The following FARSB variants were observed in gnomAD, a reference collection of about 807,000 sequenced individuals.
FARSB encodes the protein phenylalanyl-tRNA synthetase subunit beta, also known as phenylalanine--tRNA ligase beta subunit.
In FARSB, 40 loss-of-function variants were observed where a neutral mutation model predicts 69.6. The observed-to-expected ratio is 0.57, with a 90% CI of 0.45 to 0.75. The LOEUF is 0.75. Ranked by LOEUF, FARSB falls within the 30% of genes least tolerant of loss-of-function variation. The pLI is 0.00. For missense variants in FARSB, 632 were observed against 722.9 expected, an observed-to-expected ratio of 0.87 and a Z score of 1.44; for synonymous variants, 235 against 247.2, an observed-to-expected ratio of 0.95 and a Z score of 0.46.
rs935702778 is a variant in FARSB, at chr2:222,642,889, C to T, written c.231G>A (p.Leu77=). ...VPANRYDLLC[L]EGLVRGLQVF... The stretch of plus-strand genomic sequence containing the variant: ...CCTGAAGTCCTCGAACCAATCCTTC[C>T]AGACACAGGAGATCATATCTATTGG... Residue 77 remains leucine, a synonymous_variant, in exon 3 of 17, where the codon CTG becomes CTA. Transcript: ENST00000281828. 9 of 1,612,366 alleles carry T rather than the reference C, an allele frequency of 5.6e-6. No homozygotes were observed. The highest frequency in any genetic ancestry group is 1.3e-5 in the African/African-American group (1 of 74,994).
intron 8 of FARSB, among the ~76,000 whole-genome samples, chr2:222,630,406 C>T (rs1270747909): frequency 6.6e-6 from 1 of 152,166 alleles, no homozygotes; most frequent in African/African-American, 2.4e-5. Flanking sequence ...CAAATCGTTT[C>T]GTTCCCCAAC....
At chr2:222,651,350 A>T (rs1166090583) in intron 1 of FARSB, among the ~76,000 whole-genome samples, 2 of 152,220 alleles carry the variant, frequency 1.3e-5, no homozygotes, top group Non-Finnish European at 2.9e-5. Flanking sequence ...GCTGTTAAAC[A>T]AAAATGAGCC....
At chr2:222,625,298 C>T (rs1022165876) in intron 10 of FARSB, among the ~76,000 whole-genome samples, 3 of 152,158 alleles carry the variant, frequency 2.0e-5, no homozygotes, top group African/African-American at 7.2e-5. Flanking sequence ...ATAACTCCAC[C>T]GTATTAGTGA....
chr2:222,638,827 T>G (rs1245976119), intron 5 of FARSB, among the ~76,000 whole-genome samples: 1 of 152,218 alleles, frequency 6.6e-6, no homozygotes, highest in Non-Finnish European at 1.5e-5. Context: ...AATCATACCT[T>G]TGGATCAACA....
chr2:222,585,881 C>T (rs1489873008), intron 16 of FARSB, among the ~76,000 whole-genome samples: 4 of 152,268 alleles, frequency 2.6e-5, no homozygotes, highest in African/African-American at 7.2e-5. Flanking sequence ...ACCAAATCTA[C>T]GTTTGATTGG....
chr2:222,585,641 G>C (rs561529901), intron 16 of FARSB, among the ~76,000 whole-genome samples: 36 of 152,320 alleles, frequency 2.4e-4, no homozygotes, highest in Non-Finnish European at 4.1e-4. Context: ...GATTAGAATG[G>C]CTAAGTAGAA....
At chr2:222,602,417 TAGAG>T (rs1181394201) in intron 15 of FARSB, among the ~76,000 whole-genome samples, 1 of 151,928 alleles carries the variant, frequency 6.6e-6, no homozygotes, top group Non-Finnish European at 1.5e-5. Flanking sequence ...ACAATAGTGA[TAGAG>T]GGAGACTACT....
intron 1 of FARSB, among the ~76,000 whole-genome samples, chr2:222,649,064 T>A (rs1691952986): frequency 6.6e-6 from 1 of 150,980 alleles, no homozygotes; most frequent in Non-Finnish European, 1.5e-5. Flanking sequence ...CTGTCTCTAC[T>A]AAAAATACAA....
intron 16 of FARSB, among the ~76,000 whole-genome samples, chr2:222,595,744 T>C (rs1449334758): frequency 6.6e-6 from 1 of 152,060 alleles, no homozygotes. Context: ...CTACAAGAAA[T>C]AATTTTTGCC....
chr2:222,609,970 G>A (rs920172498), intron 15 of FARSB, among the ~76,000 whole-genome samples: 2 of 152,060 alleles, frequency 1.3e-5, no homozygotes, highest in African/African-American at 4.8e-5. Context: ...CTTAATATTA[G>A]AAAACAAGTT....
At chr2:222,590,685 T>A (rs1389289980) in intron 16 of FARSB, among the ~76,000 whole-genome samples, 2 of 152,136 alleles carry the variant, frequency 1.3e-5, no homozygotes, top group African/African-American at 4.8e-5. Flanking sequence ...GTTCCTGTAT[T>A]GTAGAGATGC....
Position 222,634,269 on chromosome 2 carries a change from T to C in FARSB, c.606+122A>G, listed in dbSNP as rs527312447. 2.9e-4 allele frequency: 171 copies of C among 595,958 alleles called. 1 individual carries two copies. Among genetic ancestry groups the C allele is most frequent in the Non-Finnish European group, 4.5e-4 (156 of 349,636 alleles). 36.9% of individuals were successfully genotyped at this position (595,958 alleles called of 1,614,324 possible). ...GATCAGATGAATCACTGTCTCTAGG[T>C]TGGAGTCCAGACACTGCTATTTTTT... On this transcript the variant is annotated intron_variant, in intron 6 of 16. Coordinates refer to ENST00000281828, the MANE Select transcript of FARSB (RefSeq NM_005687.5).
At chr2:222,624,911 G>A in intron 10 of FARSB, 136 bp from the exon 11 acceptor site, 2 of 574,418 alleles carry the variant, frequency 3.5e-6, no homozygotes, top group South Asian at 5.1e-5. Flanking sequence ...GAATAAACTT[G>A]ATGTTTCAAA....
Position 222,628,720 on chromosome 2 carries a change from C to T in FARSB, c.900+117G>A, listed in dbSNP as rs111834619. On this transcript the variant is annotated intron_variant, in intron 10 of 16. Transcript: ENST00000281828. ...AATCCATGTAATGCACATAGTGTAG[C>T]GCCTGGCACACGGGTGGGTAGGTAG... 2.1e-4 allele frequency: 143 copies of T among 695,784 alleles called. 2 individuals are homozygous for T. Among genetic ancestry groups the T allele is most frequent in the African/African-American group, 1.6e-3 (87 of 55,876 alleles). The allele number at this position is 695,784 out of a possible 1,614,324, so 43.1% of individuals were successfully genotyped here.
chr2:222,638,349 T>G (rs978592183), intron 5 of FARSB, among the ~76,000 whole-genome samples: 2 of 152,168 alleles, frequency 1.3e-5, no homozygotes, highest in African/African-American at 4.8e-5. Context: ...TTAAATTAAG[T>G]AAGAAAATGT....
chr2:222,599,856 A>C, intron 16 of FARSB, 72 bp downstream of exon 16: 1 of 1,263,386 alleles, frequency 7.9e-7, no homozygotes, highest in Non-Finnish European at 1.1e-6. Flanking sequence ...AAAACTACCA[A>C]CTTCATCAAA....
intron 16 of FARSB, among the ~76,000 whole-genome samples, chr2:222,585,376 A>G (rs922614878): frequency 2.6e-5 from 4 of 152,230 alleles, no homozygotes; most frequent in Non-Finnish European, 5.9e-5. Context: ...GGTCACCATC[A>G]TCAAAGACCA....
At chr2:222,642,284 A>G (rs1396781187) in intron 3 of FARSB, among the ~76,000 whole-genome samples, 1 of 152,222 alleles carries the variant, frequency 6.6e-6, no homozygotes, top group Non-Finnish European at 1.5e-5. Context: ...TATGGGCATG[A>G]GCCACCATGT....
intron 5 of FARSB, among the ~76,000 whole-genome samples, chr2:222,634,943 G>A (rs557452711): frequency 7.9e-5 from 12 of 152,126 alleles, no homozygotes; most frequent in Admixed American, 3.9e-4. Context: ...ACGAACTATC[G>A]AATTGTGGGT....
Sources: allele counts gnomAD v4.1 joint callset (sites outside exome capture counted in the v4.1 genomes callset), GRCh38; gene constraint gnomAD v4.1.1; transcripts MANE v1.5; gene names NCBI Gene and HGNC (gene_info 2026-07-23, HGNC 2026-07-21).